The following NPAS3 variants were observed in gnomAD, a reference collection of about 807,000 sequenced individuals.
NPAS3 encodes the protein neuronal PAS domain protein 3, also known as neuronal PAS domain-containing protein 3.
A neutral mutation model predicts 73.1 loss-of-function variants in NPAS3; 14 were observed. That is an observed-to-expected ratio of 0.19 (90% CI 0.13 to 0.30). NPAS3 has a LOEUF of 0.30. Ranked by LOEUF, NPAS3 falls within the 10% of genes least tolerant of loss-of-function variation. The pLI, the probability that NPAS3 is intolerant of heterozygous loss-of-function variation, is 1.00. For synonymous variants in NPAS3, 620 were observed against 541.5 expected, an observed-to-expected ratio of 1.14 and a Z score of -2.01; for missense variants, 1,096 against 1,250.0, an observed-to-expected ratio of 0.88 and a Z score of 1.86.
intron 5 of NPAS3, among the ~76,000 whole-genome samples, chr14:33,667,181 TATAGC>T (rs1321290984): frequency 7.0e-6 from 1 of 141,956 alleles, no homozygotes; most frequent in African/African-American, 2.6e-5. Flanking sequence ...AATGTATACT[TATAGC>T]ATATTACGAA....
intron 2 of NPAS3, among the ~76,000 whole-genome samples, chr14:33,168,747 C>T (rs2045269897): frequency 6.6e-6 from 1 of 152,172 alleles, no homozygotes; most frequent in Non-Finnish European, 1.5e-5. Context: ...TCCTCTTCCC[C>T]TCTTCCCCTC....
At chr14:33,304,000 C>T (rs1433256799) in intron 3 of NPAS3, among the ~76,000 whole-genome samples, 5 of 152,144 alleles carry the variant, frequency 3.3e-5, no homozygotes, top group African/African-American at 7.2e-5. Context: ...CTCCACCTCC[C>T]GGGTTCACGC....
intron 2 of NPAS3, among the ~76,000 whole-genome samples, chr14:33,106,279 A>G (rs1353549621): frequency 1.3e-5 from 2 of 152,194 alleles, no homozygotes; most frequent in Non-Finnish European, 1.5e-5. Flanking sequence ...GTATGTTCTT[A>G]CCTCTAGTTT....
At chr14:33,016,556 A>T (rs374234207) in intron 1 of NPAS3, among the ~76,000 whole-genome samples, 11 of 151,026 alleles carry the variant, frequency 7.3e-5, no homozygotes, top group African/African-American at 2.4e-4. Flanking sequence ...CAGAGTACAC[A>T]TGTAAAATAT....
chr14:33,794,107 C>A, intron 10 of NPAS3, 63 bp downstream of exon 10: 1 of 1,445,798 alleles, frequency 6.9e-7, no homozygotes, highest in Non-Finnish European at 9.6e-7. Context: ...TAAAATATGG[C>A]TATGGTTAAT....
intron 6 of NPAS3, among the ~76,000 whole-genome samples, chr14:33,719,875 T>C (rs1028833442): frequency 1.3e-5 from 2 of 152,144 alleles, no homozygotes; most frequent in African/African-American, 4.8e-5. Context: ...CAAAACCTCC[T>C]CGTAAGACCC....
At chr14:33,764,642 A>G (rs934487772) in intron 7 of NPAS3, among the ~76,000 whole-genome samples, 2 of 152,110 alleles carry the variant, frequency 1.3e-5, no homozygotes, top group Non-Finnish European at 2.9e-5. Context: ...TGTAATATTG[A>G]GAAGAACTGC....
intron 4 of NPAS3, among the ~76,000 whole-genome samples, chr14:33,516,018 G>A (rs17101424): frequency 0.015 from 2,227 of 152,162 alleles, 56 homozygotes; most frequent in African/African-American, 0.05. Flanking sequence ...GATAGAACAC[G>A]TCCGCACACA....
intron 4 of NPAS3, among the ~76,000 whole-genome samples, chr14:33,426,448 T>C (rs1211007484): frequency 6.6e-6 from 1 of 152,088 alleles, no homozygotes; most frequent in South Asian, 2.1e-4. Flanking sequence ...CCTCCCTGCG[T>C]TGGTAAACCT....
At chr14:33,125,875 A>G (rs1180944873) in intron 2 of NPAS3, among the ~76,000 whole-genome samples, 1 of 152,220 alleles carries the variant, frequency 6.6e-6, no homozygotes, top group Non-Finnish European at 1.5e-5. Context: ...TAAAGAAAAC[A>G]TGTTAAATAG....
chr14:33,394,464 A>G (rs2047137999), intron 4 of NPAS3, among the ~76,000 whole-genome samples: 1 of 152,176 alleles, frequency 6.6e-6, no homozygotes, highest in Non-Finnish European at 1.5e-5. Flanking sequence ...CAAATGAGCA[A>G]AGATCTTATT....
chr14:33,599,129 C>A (rs1388722172), intron 5 of NPAS3, among the ~76,000 whole-genome samples: 1 of 152,090 alleles, frequency 6.6e-6, no homozygotes, highest in Non-Finnish European at 1.5e-5. Flanking sequence ...GGGCACATTT[C>A]CATATTTTTG....
chr14:33,618,155 C>A (rs1167906732), intron 5 of NPAS3, among the ~76,000 whole-genome samples: 1 of 152,162 alleles, frequency 6.6e-6, no homozygotes, highest in African/African-American at 2.4e-5. Context: ...TGGTCCCCAA[C>A]CTTTTTGGCA....
intron 3 of NPAS3, among the ~76,000 whole-genome samples, chr14:33,285,548 G>A (rs977288203): frequency 1.3e-5 from 2 of 152,112 alleles, no homozygotes; most frequent in African/African-American, 2.4e-5. Context: ...TCTCAAACAC[G>A]TGTTCCACAC....
intron 9 of NPAS3, among the ~76,000 whole-genome samples, chr14:33,791,152 A>C (rs930501484): frequency 1.3e-5 from 2 of 152,156 alleles, no homozygotes; most frequent in African/African-American, 4.8e-5. Flanking sequence ...GTAAAACCAC[A>C]GGTCAGTCAA....
chr14:33,797,412 G>A, intron 10 of NPAS3, 45 bp from the exon 11 acceptor site: 1 of 1,601,364 alleles, frequency 6.2e-7, no homozygotes, highest in Non-Finnish European at 8.5e-7. Context: ...AACAAACCAT[G>A]CAGAATGGGT....
chr14:33,664,126 A>G (rs572637908), intron 5 of NPAS3, among the ~76,000 whole-genome samples: 1 of 152,162 alleles, frequency 6.6e-6, no homozygotes, highest in Admixed American at 6.6e-5. Flanking sequence ...CTATACTACA[A>G]TGCTACAGTA....
At chr14:32,962,524 A>G (rs1025291039) in intron 1 of NPAS3, among the ~76,000 whole-genome samples, 6 of 151,404 alleles carry the variant, frequency 4.0e-5, no homozygotes, top group African/African-American at 2.4e-5. Flanking sequence ...TTATACCACA[A>G]ATCTTTGGGG....
At chr14:33,538,011 A>G (rs2054330920) in intron 4 of NPAS3, among the ~76,000 whole-genome samples, 1 of 151,948 alleles carries the variant, frequency 6.6e-6, no homozygotes, top group East Asian at 1.9e-4. Context: ...TAAGCTAAGC[A>G]TCGGGTTGTG....
Sources: allele counts gnomAD v4.1 joint callset (sites outside exome capture counted in the v4.1 genomes callset), GRCh38; gene constraint gnomAD v4.1.1; transcripts MANE v1.5; gene names NCBI Gene and HGNC (gene_info 2026-07-23, HGNC 2026-07-21).